MCTP2: variants seen among roughly 807,000 people sequenced by gnomAD.
The protein encoded by MCTP2 is multiple C2 and transmembrane domain containing 2.
MCTP2 carries 132 observed loss-of-function variants against 111.6 expected under a neutral mutation model. That is an observed-to-expected ratio of 1.18 (90% CI 1.03 to 1.37). The LOEUF is 1.37. Ranked by LOEUF, MCTP2 falls within the 40% of genes most tolerant of loss-of-function variation. The pLI is 0.00. For missense variants in MCTP2, 1,183 were observed against 1,067.9 expected, an observed-to-expected ratio of 1.11 and a Z score of -1.50; for synonymous variants, 395 against 387.7, an observed-to-expected ratio of 1.02 and a Z score of -0.22.
At chr15:94,443,639 T>G (rs2255356) in intron 19 of MCTP2, among the ~76,000 whole-genome samples, 2 of 152,086 alleles carry the variant, frequency 1.3e-5, no homozygotes, top group African/African-American at 4.8e-5. Context: ...AAGTATCCAG[T>G]GTAAATGCCC....
At chr15:94,404,899 C>G (rs2081825908) in intron 17 of MCTP2, among the ~76,000 whole-genome samples, 1 of 152,170 alleles carries the variant, frequency 6.6e-6, no homozygotes, top group Non-Finnish European at 1.5e-5. Flanking sequence ...AGGGGTGACA[C>G]ACACTGACGG....
At chr15:94,445,198 A>G (rs546040812) in intron 19 of MCTP2, among the ~76,000 whole-genome samples, 1 of 152,184 alleles carries the variant, frequency 6.6e-6, no homozygotes, top group Non-Finnish European at 1.5e-5. Context: ...CCAAACCCAT[A>G]CCAGTTGTGC....
At chr15:94,422,855 GTCTTTTT>G (rs1289278444) in intron 17 of MCTP2, among the ~76,000 whole-genome samples, 2 of 151,936 alleles carry the variant, frequency 1.3e-5, no homozygotes, top group Non-Finnish European at 2.9e-5. Flanking sequence ...ATCAGTCATC[GTCTTTTT>G]TCTTTTTTCT....
chr15:94,332,315 A>G (rs1227689733), intron 4 of MCTP2, among the ~76,000 whole-genome samples: 7 of 152,206 alleles, frequency 4.6e-5, no homozygotes, highest in African/African-American at 7.2e-5. Flanking sequence ...TACAGAGTCC[A>G]TCTAAAAGAA....
In MCTP2 at chr15:94,401,885, A is replaced by AT. The variant is rs758606861; in HGVS notation, c.1966-9dup. The AT allele has an allele frequency of 2.5e-6, 4 of 1,595,704 alleles. No individual in the cohort carries two copies. The African/African-American group carries it at 4.0e-5, about 16-fold the overall frequency. ...ATTTAAATCTAGTTTCCTGTTTGTC[A>AT]TTTTTTAAAATCAGATCTTATCAAG... On this transcript the variant is annotated splice_polypyrimidine_tract_variant and intron_variant, in intron 16 of 22. Transcript: ENST00000357742.
intron 21 of MCTP2, among the ~76,000 whole-genome samples, chr15:94,474,393 A>G (rs1242694570): frequency 6.6e-6 from 1 of 152,170 alleles, no homozygotes; most frequent in African/African-American, 2.4e-5. Context: ...TGATTCTCCC[A>G]TCTACCCAAG....
intron 8 of MCTP2, 39 bp downstream of exon 8, chr15:94,345,203 A>G: frequency 6.3e-7 from 1 of 1,590,880 alleles, no homozygotes; most frequent in East Asian, 2.3e-5. Flanking sequence ...ATTTGGTTAA[A>G]AACTTTGTCT....
At chr15:94,445,788 A>G (rs1450767172) in intron 19 of MCTP2, among the ~76,000 whole-genome samples, 2 of 152,246 alleles carry the variant, frequency 1.3e-5, no homozygotes. Flanking sequence ...ACTGTTTACA[A>G]ATTATAAACA....
chr15:94,236,048 A>G (rs1161319548), intron 1 of MCTP2, among the ~76,000 whole-genome samples: 3 of 152,258 alleles, frequency 2.0e-5, no homozygotes, highest in Non-Finnish European at 4.4e-5. Flanking sequence ...ACATGATTCC[A>G]TATAAATGAT....
At chr15:94,367,302 T>G (rs571066544) in intron 10 of MCTP2, among the ~76,000 whole-genome samples, 5 of 152,356 alleles carry the variant, frequency 3.3e-5, no homozygotes, top group African/African-American at 1.2e-4. Flanking sequence ...TTTTTCTTTC[T>G]AATTTTTGAT....
At chr15:94,245,236 GTATA>G (rs1190202025) in intron 1 of MCTP2, among the ~76,000 whole-genome samples, 1 of 133,048 alleles carries the variant, frequency 7.5e-6, no homozygotes, top group African/African-American at 2.9e-5. Context: ...ACATATGTAT[GTATA>G]TATACACATA....
At chr15:94,280,049 T>G (rs947370318) in intron 1 of MCTP2, among the ~76,000 whole-genome samples, 1 of 151,992 alleles carries the variant, frequency 6.6e-6, no homozygotes, top group African/African-American at 2.4e-5. Flanking sequence ...GACCTGAAGC[T>G]TTTGTTGTTG....
chr15:94,458,555 C>G (rs1335536831), intron 20 of MCTP2, among the ~76,000 whole-genome samples: 1 of 152,176 alleles, frequency 6.6e-6, no homozygotes, highest in East Asian at 1.9e-4. Flanking sequence ...AAATGTTACC[C>G]TATTCAGAAA....
intron 1 of MCTP2, among the ~76,000 whole-genome samples, chr15:94,278,730 C>A (rs1396345330): frequency 6.6e-6 from 1 of 151,750 alleles, no homozygotes; most frequent in Non-Finnish European, 1.5e-5. Flanking sequence ...CTCTCTCCCT[C>A]TACCCTCAAG....
chr15:94,245,095 T>C (rs2071703479), intron 1 of MCTP2, among the ~76,000 whole-genome samples: 1 of 149,726 alleles, frequency 6.7e-6, no homozygotes, highest in South Asian at 2.1e-4. Context: ...CACATACATA[T>C]GTACCTATGT....
intron 14 of MCTP2, among the ~76,000 whole-genome samples, chr15:94,392,153 C>T (rs1370806715): frequency 2.6e-5 from 4 of 152,020 alleles, no homozygotes; most frequent in East Asian, 1.9e-4. Flanking sequence ...GGGCGGATCA[C>T]GAGGTTAGGA....
At chr15:94,410,827 G>A (rs2082119726) in intron 17 of MCTP2, among the ~76,000 whole-genome samples, 2 of 152,146 alleles carry the variant, frequency 1.3e-5, no homozygotes, top group Admixed American at 6.5e-5. Flanking sequence ...CTTTTTATTC[G>A]TACACCTCCG....
chr15:94,403,706 A>G (rs1318218031), intron 17 of MCTP2, among the ~76,000 whole-genome samples: 2 of 152,186 alleles, frequency 1.3e-5, no homozygotes, highest in African/African-American at 4.8e-5. Flanking sequence ...CCACTTCTCC[A>G]CGGCCTTTTC....
chr15:94,309,800 G>T (rs960362342), intron 2 of MCTP2, among the ~76,000 whole-genome samples: 1 of 152,106 alleles, frequency 6.6e-6, no homozygotes, highest in Admixed American at 6.5e-5. Flanking sequence ...ATAAATTTCA[G>T]TTTAGCAAGG....
Sources: gnomAD v4.1 joint callset for allele counts (sites outside exome capture counted in the v4.1 genomes callset) on GRCh38, gnomAD v4.1.1 for gene constraint, MANE v1.5 for transcripts, NCBI Gene and HGNC (gene_info 2026-07-23, HGNC 2026-07-21) for gene names.